The following IGSF3 variants were observed in gnomAD, a reference collection of about 807,000 sequenced individuals.
IGSF3 encodes the protein glu-Trp-Ile EWI motif-containing protein 3.
IGSF3 carries 23 observed loss-of-function variants against 114.4 expected under a neutral mutation model. That is an observed-to-expected ratio of 0.20 (90% CI 0.14 to 0.28). The LOEUF (loss-of-function observed/expected upper bound fraction) is 0.28. IGSF3 is among the 10% of genes least tolerant of loss of function. The probability of loss-of-function intolerance (pLI) is 1.00; values close to 1 mark genes in which losing one functional copy is unlikely to be tolerated. For synonymous variants in IGSF3, 571 were observed against 645.2 expected, an observed-to-expected ratio of 0.88 and a Z score of 1.74; for missense variants, 1,172 against 1,591.5, an observed-to-expected ratio of 0.74 and a Z score of 4.48.
chr1:116,577,100 C>G lies in IGSF3; in HGVS notation c.*212G>C, dbSNP rs1659377519. Reference sequence around the variant, plus strand: ...AACAAGAAATCTATAATGGCAGGATCACAACATTTGCGCGCAAATAGCTAA... The same window carrying G: ...AACAAGAAATCTATAATGGCAGGATGACAACATTTGCGCGCAAATAGCTAA... On this transcript the variant is annotated 3_prime_UTR_variant, in exon 11 of 11. Coordinates refer to ENST00000369486, the MANE Select transcript of IGSF3 (RefSeq NM_001007237.3). The surrounding 1 kb of genome is among the most constrained non-coding windows in gnomAD (Gnocchi z 5.7). The G allele has an allele frequency of 1.0e-5, 6 of 571,722 alleles. No homozygotes were observed. The highest frequency in any genetic ancestry group is 1.9e-5 in the Non-Finnish European group (6 of 321,956). 35.4% of individuals were successfully genotyped at this position (571,722 alleles called of 1,614,324 possible). A position where few individuals can be genotyped will look rare whatever the true frequency, so the allele number is the denominator to read the frequency against.
At chr1:116,619,078 G>T (rs1483105617) in intron 2 of IGSF3, among the ~76,000 whole-genome samples, 1 of 152,114 alleles carries the variant, frequency 6.6e-6, no homozygotes, top group Non-Finnish European at 1.5e-5. Flanking sequence ...TTACTTTAAA[G>T]TGTCTCTACC....
rs1225740687 is a variant in IGSF3 at position 116,616,851 on chromosome 1, T to C, written c.44-394A>G. 6.6e-6 allele frequency among the ~76,000 whole-genome samples: 1 copy of C among 152,148 alleles called. No individual in the cohort carries two copies. Among genetic ancestry groups the C allele is most frequent in the Non-Finnish European group, 1.5e-5 (1 of 68,024 alleles). Reference sequence around the variant, plus strand: ...TGGCACAAATTCAGATGAAAACAAATAAAAGCAACCATCTAGAAATCTGGC... The same window carrying C: ...TGGCACAAATTCAGATGAAAACAAACAAAAGCAACCATCTAGAAATCTGGC... On this transcript the variant is annotated intron_variant, in intron 2 of 10. Coordinates refer to ENST00000369486, the MANE Select transcript of IGSF3 (RefSeq NM_001007237.3). This position sits in a 1 kb window ranked among gnomAD's most constrained non-coding sequence, Gnocchi z 6.6.
intron 2 of IGSF3, among the ~76,000 whole-genome samples, chr1:116,641,495 CAAAA>C (rs57930787): frequency 7.6e-4 from 31 of 40,696 alleles, no homozygotes; most frequent in African/African-American, 2.3e-3. Flanking sequence ...GACTCTGTCT[CAAAA>C]AAAAAAAAAA....
In IGSF3 at chr1:116,584,622, A is replaced by G. The variant is rs760030174; in HGVS notation, c.2848+23T>C. 4 of 1,613,064 alleles carry G rather than the reference A, an allele frequency of 2.5e-6. No individual in the cohort carries two copies. In the South Asian group the frequency reaches 4.4e-5, roughly 18 times the overall value. On this transcript the variant is annotated intron_variant, in intron 9 of 10. Coordinates refer to ENST00000369486, the MANE Select transcript of IGSF3 (RefSeq NM_001007237.3). The surrounding 1 kb of genome is among the most constrained non-coding windows in gnomAD (Gnocchi z 5.8). Reference sequence around the variant, plus strand: ...AATGGGAAACACCAGAGGGAGTGGAAGCTTGGGGACGTGGACCCTCACCTG... The same window carrying G: ...AATGGGAAACACCAGAGGGAGTGGAGGCTTGGGGACGTGGACCCTCACCTG...
chr1:116,623,744 C>T (rs4044800), intron 2 of IGSF3, among the ~76,000 whole-genome samples: 2 of 151,770 alleles, frequency 1.3e-5, no homozygotes, highest in African/African-American at 2.4e-5. Flanking sequence ...TTCAGCTTCC[C>T]AAGCCCACAG....
At chr1:116,653,754 T>C (rs974297171) in intron 2 of IGSF3, among the ~76,000 whole-genome samples, 1 of 152,210 alleles carries the variant, frequency 6.6e-6, no homozygotes, top group African/African-American at 2.4e-5. Flanking sequence ...AACTCAGGCC[T>C]AGAGGCATAT....
chr1:116,628,675 T>G lies in IGSF3; in HGVS notation c.44-12218A>C, dbSNP rs891672817. On this transcript the variant is annotated intron_variant, in intron 2 of 10. Coordinates refer to ENST00000369486, the MANE Select transcript of IGSF3 (RefSeq NM_001007237.3). The surrounding 1 kb of genome is among the most constrained non-coding windows in gnomAD (Gnocchi z 4.2). ...AAATAAATACTGAGAGCACTGACAC[T>G]GCTTCTGGGGGTTTTCCCAAGCACG... 6.6e-6 allele frequency among the ~76,000 whole-genome samples: 1 copy of G among 152,192 alleles called. No individual in the cohort carries two copies. Among genetic ancestry groups the G allele is most frequent in the Non-Finnish European group, 1.5e-5 (1 of 68,032 alleles).
intron 2 of IGSF3, among the ~76,000 whole-genome samples, chr1:116,656,227 A>C (rs1238847331): frequency 1.3e-5 from 2 of 152,108 alleles, no homozygotes; most frequent in Non-Finnish European, 2.9e-5. Flanking sequence ...ACTATAAAGA[A>C]TCTATATCAA....
In IGSF3 at chr1:116,589,590, C is replaced by A. The variant is rs1660006525; in HGVS notation, c.2030-486G>T. Among the ~76,000 whole-genome samples, 1 of 152,132 alleles carries A rather than the reference C, an allele frequency of 6.6e-6. No homozygotes were observed. Among genetic ancestry groups the A allele is most frequent in the Non-Finnish European group, 1.5e-5 (1 of 68,024 alleles). On this transcript the variant is annotated intron_variant, in intron 7 of 10. Coordinates refer to ENST00000369486, the MANE Select transcript of IGSF3 (RefSeq NM_001007237.3). This position sits in a 1 kb window ranked among gnomAD's most constrained non-coding sequence, Gnocchi z 5.7. The stretch of plus-strand genomic sequence containing the variant: ...CTGGTGCAGTTTCCCTGAGCCCTGG[C>A]CTTTGCCCTTGCTGTCCTCTCTGCC...
intron 2 of IGSF3, among the ~76,000 whole-genome samples, chr1:116,639,833 A>G (rs542128138): frequency 1.0e-3 from 158 of 152,272 alleles, no homozygotes; most frequent in African/African-American, 3.4e-3. Context: ...CAGGAGTTCA[A>G]GACCAATCTG....
chr1:116,606,821 AC>A (rs1241636946), intron 5 of IGSF3, among the ~76,000 whole-genome samples: 15 of 152,356 alleles, frequency 9.8e-5, no homozygotes, highest in African/African-American at 3.6e-4. Context: ...TATGCAAAGC[AC>A]CATGCTAGGC....
rs1338350431 is a variant in IGSF3 at position 116,607,560 on chromosome 1, G to A, written c.1222+382C>T. ...TCTCCTTAAGTGAGATTTCAAGGCA[G>A]GCATCTACCCACTTCTTCTGGGACT... On this transcript the variant is annotated intron_variant, in intron 5 of 10. Transcript: ENST00000369486. The surrounding 1 kb of genome is among the most constrained non-coding windows in gnomAD (Gnocchi z 6.1). Among the ~76,000 whole-genome samples the A allele has an allele frequency of 2.0e-5, 3 of 152,222 alleles. No homozygotes were observed. Among genetic ancestry groups the A allele is most frequent in the South Asian group, 2.1e-4 (1 of 4,832 alleles).
intron 10 of IGSF3, among the ~76,000 whole-genome samples, chr1:116,578,975 A>G (rs1166571434): frequency 6.6e-6 from 1 of 152,246 alleles, no homozygotes; most frequent in Non-Finnish European, 1.5e-5. Flanking sequence ...CTGGACAAAA[A>G]GAAATAATGA....
At position 116,592,464 on chromosome 1, in the gene IGSF3, G is replaced by A. The variant is rs1268882878; in HGVS notation, c.2030-3360C>T. On this transcript the variant is annotated intron_variant, in intron 7 of 10. Coordinates refer to ENST00000369486, the MANE Select transcript of IGSF3 (RefSeq NM_001007237.3). This position sits in a 1 kb window ranked among gnomAD's most constrained non-coding sequence, Gnocchi z 4.5. ...GTGGCCCTTTCTTTCTGCAACTGGA[G>A]AGTTTCCTTCCCAGGCTTGTGATTA... Among the ~76,000 whole-genome samples the A allele has an allele frequency of 6.6e-6, 1 of 152,208 alleles. No homozygotes were observed. Among genetic ancestry groups the A allele is most frequent in the Non-Finnish European group, 1.5e-5 (1 of 68,042 alleles).
chr1:116,588,921 G>A lies in IGSF3; in HGVS notation c.2213C>T (p.Ala738Val), dbSNP rs757740259. The A allele has an allele frequency of 6.8e-6, 11 of 1,614,190 alleles. No individual in the cohort carries two copies. In the East Asian group the frequency reaches 2.0e-4, roughly 29 times the overall value. Residue 738 changes from alanine to valine, a missense_variant, in exon 8 of 11, where the codon GCC (alanine) becomes GTC (valine). Physicochemically the swap from Ala to Val is moderately conservative, Grantham distance 64 (BLOSUM62 0). Coordinates refer to ENST00000369486, the MANE Select transcript of IGSF3 (RefSeq NM_001007237.3). This position sits in a 1 kb window ranked among gnomAD's most constrained non-coding sequence, Gnocchi z 4.9. ...KLILKTTHNS[A>V]FEYGTYAEEE... is the part of the protein sequence containing the mutation. ...CTCGGCGTAAGTACCGTATTCAAAGGCGGAGTTGTGGGTGGTCTTCAGGAT... is the reference window on the plus strand; with the variant it reads ...CTCGGCGTAAGTACCGTATTCAAAGACGGAGTTGTGGGTGGTCTTCAGGAT...
In IGSF3 at chr1:116,617,373, A is replaced by G. The variant is rs1319699720; in HGVS notation, c.44-916T>C. 4 of 985,196 alleles carry G rather than the reference A, an allele frequency of 4.1e-6. No homozygotes were observed. In the African/African-American group the frequency reaches 7.0e-5, roughly 17 times the overall value. 61.0% of individuals were successfully genotyped at this position (985,196 alleles called of 1,614,324 possible). On this transcript the variant is annotated intron_variant, in intron 2 of 10. Transcript: ENST00000369486. ...GTGCCTGAGCCACTCAGAAGGCGGG[A>G]GGGGGCACAACCCTGCCTCTTCATT...
Position 116,577,628 on chromosome 1 carries a change from T to A in IGSF3, c.3335-66A>T. 3 of 1,537,702 alleles carry A rather than the reference T, an allele frequency of 2.0e-6. No individual in the cohort carries two copies. The highest frequency in any genetic ancestry group is 1.8e-6 in the Non-Finnish European group (2 of 1,126,168). ...GAACCTGGACTGCTCACATTTCCTT[T>A]TGAAGACCTCACCTGACCCAGTGGA... On this transcript the variant is annotated intron_variant, in intron 10 of 10. Transcript: ENST00000369486. The surrounding 1 kb of genome is among the most constrained non-coding windows in gnomAD (Gnocchi z 5.7).
Position 116,603,816 on chromosome 1 carries a change from G to A in IGSF3, c.1432C>T (p.Arg478Cys), listed in dbSNP as rs754026425. The A allele has an allele frequency of 6.8e-6, 11 of 1,613,840 alleles. No individual in the cohort carries two copies. Among genetic ancestry groups the A allele is most frequent in the African/African-American group, 1.3e-5 (1 of 74,902 alleles). Residue 478 changes from arginine (R) to cysteine (C), a missense_variant, in exon 6 of 11, where the codon CGC becomes TGC. Transcript: ENST00000369486. This position sits in a 1 kb window ranked among gnomAD's most constrained non-coding sequence, Gnocchi z 7.1. ...ATCTGGACGCCCCCAAAGCTGCTGC[G>A]CTCCCAGTAGGACGAGCCTGGCTGC... is the stretch of plus-strand genomic sequence containing the variant. ...TVQPGSSYWERSSFGGVQMEQ... is the reference protein window; with the variant it reads ...TVQPGSSYWECSSFGGVQMEQ...
rs187718779 is a variant in IGSF3 at position 116,656,834 on chromosome 1, A to T, written c.43+9450T>A. On this transcript the variant is annotated intron_variant, in intron 2 of 10. Transcript: ENST00000369486. ...TCCCAGCTACTCGGGAGGCTAAGGC[A>T]GGAGAATCACTCAAACCCGGGAGGC... Among the ~76,000 whole-genome samples the T allele has an allele frequency of 1.2e-3, 176 of 152,216 alleles. 2 individuals carry two copies. Among genetic ancestry groups the T allele is most frequent in the African/African-American group, 4.1e-3 (172 of 41,548 alleles).
Sources: gnomAD v4.1 joint callset for allele counts (sites outside exome capture counted in the v4.1 genomes callset) on GRCh38, gnomAD v4.1.1 for gene constraint, Gnocchi (gnomAD v3.1) non-coding constraint, MANE v1.5 for transcripts, NCBI Gene and HGNC (gene_info 2026-07-23, HGNC 2026-07-21) for gene names.